Variants in MYO9A observed in about 807,000 individuals in gnomAD.
MYO9A encodes myosin IXA.
MYO9A carries 103 observed loss-of-function variants against 293.3 expected under a neutral mutation model. The observed-to-expected ratio is 0.35, with a 90% CI of 0.30 to 0.41. MYO9A has a LOEUF of 0.41. Among genes scored for constraint, MYO9A ranks in the 10% least tolerant of loss-of-function variants. The probability of loss-of-function intolerance (pLI) is 1.00; values close to 1 mark genes in which losing one functional copy is unlikely to be tolerated. For missense variants in MYO9A, 2,685 were observed against 3,033.0 expected (o/e 0.89, Z 2.69); for synonymous variants, 1,001 against 1,035.7 (o/e 0.97, Z 0.64).
chr15:71,900,431 G>C (rs1457663231), intron 23 of MYO9A, among the ~76,000 whole-genome samples: 3 of 151,830 alleles, frequency 2.0e-5, no homozygotes, highest in Non-Finnish European at 4.4e-5. Flanking sequence ...GTGAGACTCT[G>C]TCTCAAAAAA....
At chr15:71,938,274 CA>C (rs1284749644) in intron 16 of MYO9A, among the ~76,000 whole-genome samples, 2 of 151,968 alleles carry the variant, frequency 1.3e-5, no homozygotes, top group African/African-American at 4.8e-5. Flanking sequence ...ATGTTTAAAA[CA>C]TACAGAATAC....
In MYO9A at chr15:71,897,698, G is replaced by C. The variant is rs2057369525; in HGVS notation, c.4805C>G (p.Thr1602Ser). ...AHLPPKDRPVTVFFERKGSPC... is the reference protein window; with the variant it reads ...AHLPPKDRPVSVFFERKGSPC... ...ACTTCCTTTTCTTTCAAAGAACACG[G>C]TGACAGGTCGGTCCTTTGGGGGTAA... The change falls in exon 25 of 42, where the codon ACC (threonine) becomes AGC (serine). Residue 1602 changes from threonine (T) to serine (S), a missense_variant. This residue lies in a region of MYO9A where 1,434 missense variants were observed against 1,497.7 expected (regional missense o/e 0.96). Transcript: ENST00000356056. 1.2e-6 allele frequency: 2 copies of C among 1,614,138 alleles called. No homozygotes were observed. Among genetic ancestry groups the C allele is most frequent in the Non-Finnish European group, 8.5e-7 (1 of 1,180,030 alleles).
chr15:71,903,098 A>T, intron 21 of MYO9A, 35 bp from the exon 22 acceptor site: 1 of 1,537,392 alleles, frequency 6.5e-7, no homozygotes, highest in African/African-American at 1.4e-5. Flanking sequence ...TAAAATCAGA[A>T]AACAGTGTAT....
At chr15:71,851,718 C>CACTT (rs2055656853) in intron 36 of MYO9A, among the ~76,000 whole-genome samples, 1 of 152,158 alleles carries the variant, frequency 6.6e-6, no homozygotes, top group African/African-American at 2.4e-5. Flanking sequence ...ATATCCTACG[C>CACTT]ACTTACAGCA....
intron 15 of MYO9A, among the ~76,000 whole-genome samples, chr15:71,947,467 G>A (rs186670983): frequency 6.6e-6 from 1 of 151,890 alleles, no homozygotes; most frequent in Admixed American, 6.6e-5. Flanking sequence ...TATTCCCTAA[G>A]TTGTAATATG....
At chr15:71,919,084 A>G (rs923707739) in intron 18 of MYO9A, among the ~76,000 whole-genome samples, 4 of 152,196 alleles carry the variant, frequency 2.6e-5, no homozygotes, top group Admixed American at 2.6e-4. Context: ...AACACTGCAC[A>G]TAATATCATC....
intron 2 of MYO9A, chr15:72,036,368 C>T (rs2078047050): frequency 6.6e-6 from 1 of 152,154 alleles, no homozygotes. Context: ...CAAAAACTGT[C>T]AAACTCAAAT....
At chr15:71,938,414 C>CATTGA (rs1379872014) in intron 16 of MYO9A, among the ~76,000 whole-genome samples, 2 of 152,050 alleles carry the variant, frequency 1.3e-5, no homozygotes, top group Non-Finnish European at 2.9e-5. Flanking sequence ...AGGAATTCAT[C>CATTGA]ATTGAAAATA....
In MYO9A at chr15:71,998,702, A is replaced by G. The variant is rs188995787; in HGVS notation, c.1470+1149T>C. ...ATTAACTCGTCATTTAGCATTAGGG[A>G]TATCTCCTAATGCTATCCCTCCCCG... On this transcript the variant is annotated intron_variant, in intron 9 of 41. Transcript: ENST00000356056. Among the ~76,000 whole-genome samples, 574 of 151,844 alleles carry G rather than the reference A, an allele frequency of 3.8e-3. 6 individuals carry two copies. The highest frequency in any genetic ancestry group is 0.013 in the African/African-American group (552 of 41,346).
chr15:71,934,029 G>A (rs1355964607), intron 17 of MYO9A, among the ~76,000 whole-genome samples: 1 of 152,034 alleles, frequency 6.6e-6, no homozygotes, highest in African/African-American at 2.4e-5. Flanking sequence ...TGTACCTACA[G>A]AAGACTTATT....
intron 9 of MYO9A, 91 bp from the exon 10 acceptor site, chr15:71,994,676 T>G (rs1386851689): frequency 3.2e-6 from 2 of 633,276 alleles, no homozygotes; most frequent in Non-Finnish European, 5.3e-6. Flanking sequence ...AGAAAGAAAC[T>G]TACTATCCTG....
rs565316804 is a variant in MYO9A, at chr15:71,827,061, C to T, written c.7184-18G>A. On this transcript the variant is annotated intron_variant, in intron 41 of 41. Coordinates refer to ENST00000356056, the MANE Select transcript of MYO9A (RefSeq NM_006901.4). ...GCTTCTTTCTAATGCAAAAAAGAGACCAAAGATGTAAATGACAGTGCCCTC... is the reference window on the plus strand; with the variant it reads ...GCTTCTTTCTAATGCAAAAAAGAGATCAAAGATGTAAATGACAGTGCCCTC... 4.6e-6 allele frequency: 7 copies of T among 1,521,156 alleles called. No homozygotes were observed. In the South Asian group the frequency reaches 6.5e-5, roughly 14 times the overall value. The allele number at this position is 1,521,156 out of a possible 1,614,324, so 94.2% of individuals were successfully genotyped here.
At chr15:71,925,182 TAC>T (rs1390184143) in intron 18 of MYO9A, among the ~76,000 whole-genome samples, 2 of 2,462 alleles carry the variant, frequency 8.1e-4, no homozygotes, top group African/African-American at 1.3e-3. Context: ...TACACATATA[TAC>T]ATGTGTATAT....
chr15:71,847,392 C>T (rs2055434268), intron 39 of MYO9A: 1 of 446,504 alleles, frequency 2.2e-6, no homozygotes, highest in Admixed American at 2.4e-5. Context: ...GTGGCTGTGA[C>T]ACATTGCATT....
At chr15:72,109,749 T>C (rs913078726) in intron 1 of MYO9A, among the ~76,000 whole-genome samples, 1 of 151,342 alleles carries the variant, frequency 6.6e-6, no homozygotes, top group African/African-American at 2.4e-5. Flanking sequence ...ATTAGCTGAG[T>C]GTGGTGGCAC....
intron 12 of MYO9A, among the ~76,000 whole-genome samples, chr15:71,971,382 T>G (rs2147429657): frequency 6.6e-6 from 1 of 151,778 alleles, no homozygotes; most frequent in Non-Finnish European, 1.5e-5. Context: ...CCCAGGAGTT[T>G]GAGACCAGCC....
chr15:72,090,128 G>C (rs2079859169), intron 1 of MYO9A, among the ~76,000 whole-genome samples: 1 of 152,110 alleles, frequency 6.6e-6, no homozygotes, highest in Admixed American at 6.5e-5. Flanking sequence ...CTACTTATTA[G>C]CCCACTGGTA....
intron 1 of MYO9A, among the ~76,000 whole-genome samples, chr15:72,053,527 G>A (rs2078633066): frequency 6.6e-6 from 1 of 152,204 alleles, no homozygotes; most frequent in South Asian, 2.1e-4. Context: ...GATGGAGCTG[G>A]AGGCCATTAT....
chr15:71,894,864 A>G (rs913259374), intron 25 of MYO9A, among the ~76,000 whole-genome samples: 9 of 152,202 alleles, frequency 5.9e-5, no homozygotes, highest in Admixed American at 5.9e-4. Flanking sequence ...CATCAACAAC[A>G]TATTGATAAT....
Sources: gnomAD v4.1 joint callset for allele counts (sites outside exome capture counted in the v4.1 genomes callset) on GRCh38, gnomAD v4.1.1 for gene constraint, gnomAD v4.1.1 regional missense constraint, MANE v1.5 for transcripts, NCBI Gene and HGNC (gene_info 2026-07-23, HGNC 2026-07-21) for gene names.